The following CTNNA2 variants were observed in gnomAD, a reference collection of about 807,000 sequenced individuals.
The protein encoded by CTNNA2 is catenin alpha-2.
Under a neutral mutation model 101.0 loss-of-function variants are expected in CTNNA2, and 42 were observed. That is an observed-to-expected ratio of 0.42 (90% CI 0.32 to 0.54). The LOEUF is 0.54. Among genes scored for constraint, CTNNA2 ranks in the 20% least tolerant of loss-of-function variants. The pLI, the probability that CTNNA2 is intolerant of heterozygous loss-of-function variation, is 0.14. For synonymous variants in CTNNA2, 450 were observed against 456.4 expected, an observed-to-expected ratio of 0.99 and a Z score of 0.18; for missense variants, 871 against 1,223.1, an observed-to-expected ratio of 0.71 and a Z score of 4.29.
chr2:80,096,627 T>C (rs934970497), intron 7 of CTNNA2, among the ~76,000 whole-genome samples: 1 of 152,142 alleles, frequency 6.6e-6, no homozygotes, highest in Admixed American at 6.5e-5. Context: ...CCCATTATTA[T>C]TGTGTGGGAG....
intron 7 of CTNNA2, among the ~76,000 whole-genome samples, chr2:79,987,924 G>A (rs1047268204): frequency 5.9e-5 from 9 of 152,158 alleles, no homozygotes; most frequent in African/African-American, 1.4e-4. Context: ...ATATATCACG[G>A]TCTGTTAGAT....
At position 80,170,209 on chromosome 2, in the gene CTNNA2, ATCTCTC is replaced by A. The variant is rs1157144222; in HGVS notation, c.1057-222984_1057-222979del. 2.8e-5 allele frequency among the ~76,000 whole-genome samples: 4 copies of A among 144,314 alleles called. No homozygotes were observed. The East Asian group carries it at 6.4e-4, about 23-fold the overall frequency. The allele number at this position is 144,314 out of a possible 152,430, so 94.7% of individuals were successfully genotyped here. ...TGCTTGTCTCTCTCTCTCTCTCTCTATCTCTCTCTCTCTCTCTCTCTCTGTGTGTGT... is the reference window on the plus strand; with the variant it reads ...TGCTTGTCTCTCTCTCTCTCTCTCTATCTCTCTCTCTCTCTCTGTGTGTGT... On this transcript the variant is annotated intron_variant, in intron 7 of 18. Coordinates refer to ENST00000402739, the MANE Select transcript of CTNNA2 (RefSeq NM_001282597.3).
chr2:79,380,470 C>T lies in CTNNA2; in HGVS notation c.-135+6457C>T, dbSNP rs531533044. 1.3e-4 allele frequency among the ~76,000 whole-genome samples: 20 copies of T among 152,140 alleles called. No individual in the cohort carries two copies. In the East Asian group the frequency reaches 3.5e-3, roughly 27 times the overall value. On this transcript the variant is annotated intron_variant, in intron 4 of 21. Coordinates refer to the CTNNA2 transcript ENST00000466387. The stretch of plus-strand genomic sequence containing the variant: ...AGAGATACAATCATATGTGGCAGCC[C>T]CTCCCAATCCTGAATCACACAGCAC...
intron 2 of CTNNA2, among the ~76,000 whole-genome samples, chr2:79,691,100 A>G (rs1308532738): frequency 6.6e-6 from 1 of 152,026 alleles, no homozygotes; most frequent in Non-Finnish European, 1.5e-5. Context: ...GGTAGCTCCA[A>G]ATGACTGTTG....
intron 7 of CTNNA2, among the ~76,000 whole-genome samples, chr2:79,960,043 T>A (rs766037432): frequency 6.6e-6 from 1 of 152,244 alleles, no homozygotes; most frequent in Non-Finnish European, 1.5e-5. Context: ...AAGAGGTTTA[T>A]GAGAGAAGGT....
At chr2:80,306,400 T>TTTTCTTTTCTTTTCTTTCTTTCTTTC (rs1491389570) in intron 7 of CTNNA2, among the ~76,000 whole-genome samples, 5 of 109,200 alleles carry the variant, frequency 4.6e-5, no homozygotes, top group South Asian at 3.3e-4. Flanking sequence ...TTTTCTTTTC[T>TTTTCTTTTCTTTTCTTTCTTTCTTTC]TTTCTTTCTT....
intron 4 of CTNNA2, among the ~76,000 whole-genome samples, chr2:79,477,843 G>A (rs998164209): frequency 2.4e-4 from 37 of 152,280 alleles, no homozygotes; most frequent in African/African-American, 8.2e-4. Flanking sequence ...CCAACTGGTG[G>A]GATGCAATCA....
At chr2:80,569,665 T>A (rs12328576) in intron 12 of CTNNA2, among the ~76,000 whole-genome samples, 1 of 138,016 alleles carries the variant, frequency 7.2e-6, no homozygotes, top group African/African-American at 2.7e-5. Context: ...TTTTTTGAGA[T>A]GGAGTCTTGC....
chr2:79,819,185 G>A (rs1416041795), intron 3 of CTNNA2, among the ~76,000 whole-genome samples: 1 of 151,548 alleles, frequency 6.6e-6, no homozygotes, highest in Non-Finnish European at 1.5e-5. Context: ...CTCCATGTTG[G>A]TCAGGCTAGT....
At chr2:80,469,704 TA>T (rs1685136792) in intron 9 of CTNNA2, among the ~76,000 whole-genome samples, 2 of 152,086 alleles carry the variant, frequency 1.3e-5, no homozygotes, top group African/African-American at 4.8e-5. Context: ...GGGATGGGCA[TA>T]GACATGTTGG....
At chr2:80,413,555 C>A in intron 8 of CTNNA2, among the ~76,000 whole-genome samples, 1 of 152,084 alleles carries the variant, frequency 6.6e-6, no homozygotes, top group East Asian at 1.9e-4. Flanking sequence ...ATTGATGGCA[C>A]CTTGGCTTAT....
chr2:79,904,074 C>T (rs1685252348), intron 6 of CTNNA2, among the ~76,000 whole-genome samples: 1 of 151,982 alleles, frequency 6.6e-6, no homozygotes, highest in Admixed American at 6.5e-5. Context: ...CTGCATTGCC[C>T]CTTCCTGCTC....
At chr2:79,410,690 G>A (rs1281783656) in intron 4 of CTNNA2, among the ~76,000 whole-genome samples, 2 of 149,518 alleles carry the variant, frequency 1.3e-5, no homozygotes. Context: ...TGAGCTGCTG[G>A]ATTCGGTTTG....
At chr2:79,985,505 C>G (rs1006864874) in intron 7 of CTNNA2, among the ~76,000 whole-genome samples, 1 of 152,138 alleles carries the variant, frequency 6.6e-6, no homozygotes. Flanking sequence ...CCTAAACACA[C>G]AGTACGTGCT....
At chr2:80,104,055 A>G (rs141122353) in intron 7 of CTNNA2, among the ~76,000 whole-genome samples, 1 of 152,302 alleles carries the variant, frequency 6.6e-6, no homozygotes, top group African/African-American at 2.4e-5. Flanking sequence ...TATGTGAAGC[A>G]CTGTGCCTGG....
At chr2:80,029,476 C>T (rs1316506421) in intron 7 of CTNNA2, 1 of 152,086 alleles carries the variant, frequency 6.6e-6, no homozygotes, top group Admixed American at 6.5e-5. Context: ...AGCTTCACGA[C>T]AGAAAGAGAA....
At chr2:79,535,497 C>T (rs951405748) in intron 1 of CTNNA2, among the ~76,000 whole-genome samples, 1 of 152,000 alleles carries the variant, frequency 6.6e-6, no homozygotes, top group Admixed American at 6.6e-5. Flanking sequence ...AGCCACTGCA[C>T]CCGGCCCATA....
intron 1 of CTNNA2, among the ~76,000 whole-genome samples, chr2:79,516,425 GACTCCTGGGA>G (rs1316847586): frequency 1.3e-5 from 2 of 152,134 alleles, no homozygotes; most frequent in Non-Finnish European, 2.9e-5. Context: ...CTTGGACAGA[GACTCCTGGGA>G]ATGATTTCAT....
At chr2:79,240,899 G>A (rs1469679920) in intron 2 of CTNNA2, among the ~76,000 whole-genome samples, 1 of 152,072 alleles carries the variant, frequency 6.6e-6, no homozygotes, top group Non-Finnish European at 1.5e-5. Context: ...TTCTCCCCTG[G>A]TCATCTTCTT....
Sources: allele counts gnomAD v4.1 joint callset (sites outside exome capture counted in the v4.1 genomes callset), GRCh38; gene constraint gnomAD v4.1.1; transcripts MANE v1.5; gene names NCBI Gene and HGNC (gene_info 2026-07-23, HGNC 2026-07-21).